PRDX1: variants seen among roughly 807,000 people sequenced by gnomAD.
PRDX1 encodes the protein peroxiredoxin 1, also known as peroxiredoxin-1.
PRDX1 carries 19 observed loss-of-function variants against 20.7 expected under a neutral mutation model. That is an observed-to-expected ratio of 0.92 (90% CI 0.64 to 1.35). The LOEUF (loss-of-function observed/expected upper bound fraction) is 1.35. Among genes scored for constraint, PRDX1 ranks in the 40% most tolerant of loss-of-function variants. PRDX1 has a pLI of 0.00. For synonymous variants in PRDX1, 89 were observed against 83.9 expected (o/e 1.06, Z -0.33); for missense variants, 226 against 240.0 (o/e 0.94, Z 0.38).
At chr1:45,521,215 A>C (rs890091762) in intron 1 of PRDX1, among the ~76,000 whole-genome samples, 1 of 152,126 alleles carries the variant, frequency 6.6e-6, no homozygotes, top group Non-Finnish European at 1.5e-5. Flanking sequence ...GGGCCCCTTC[A>C]GGGGATCTGC....
At chr1:45,522,199 T>G (rs1458745519), upstream of PRDX1, among the ~76,000 whole-genome samples, 3 of 152,194 alleles carry the variant, frequency 2.0e-5, no homozygotes, top group Admixed American at 1.3e-4. Flanking sequence ...CTACGCACTG[T>G]GCCCTCAATG....
chr1:45,513,993 C>T (rs1855621), intron 5 of PRDX1, among the ~76,000 whole-genome samples: 9,824 of 152,234 alleles, frequency 0.065, 1,028 homozygotes, highest in African/African-American at 0.22. Flanking sequence ...AAGAGGAAGG[C>T]ATCTGTCTCC....
rs549545823 is a variant in PRDX1 at position 45,511,167 on chromosome 1, A to C, written c.*162T>G. 1.2e-5 allele frequency: 7 copies of C among 605,252 alleles called. No homozygotes were observed. The highest frequency in any genetic ancestry group is 9.3e-4 in the Middle Eastern group (2 of 2,158). 37.5% of individuals were successfully genotyped at this position (605,252 alleles called of 1,614,324 possible). ...TCAGGCCATTCCTACCAAAGGAAGA[A>C]AGGCTGGTCTCTCCACCCCCTGTAG... On this transcript the variant is annotated 3_prime_UTR_variant, in exon 6 of 6. Transcript: ENST00000319248.
At chr1:45,522,473 A>C (rs575400550), upstream of PRDX1, among the ~76,000 whole-genome samples, 3 of 152,282 alleles carry the variant, frequency 2.0e-5, no homozygotes, top group Admixed American at 2.0e-4. Flanking sequence ...AGGCTGATTC[A>C]GTTACACGAC....
chr1:45,515,781 G>A lies in PRDX1; in HGVS notation c.133C>T (p.Pro45Ser), dbSNP rs755494211. The change falls in exon 3 of 6, where the codon CCT becomes TCT. Residue 45 changes from proline (P) to serine (S), a missense_variant. Physicochemically the swap from Pro to Ser is moderately conservative, Grantham distance 74. Coordinates refer to ENST00000319248, the MANE Select transcript of PRDX1 (RefSeq NM_181697.3). ...GGGCACACAAAGGTGAAGTCAAGAG[G>A]GTAAAAGAAGAACACAACATATTTT... ...KGKYVVFFFY[P>S]LDFTFVCPTE... 3.8e-6 allele frequency: 6 copies of A among 1,578,570 alleles called. No individual in the cohort carries two copies. Among genetic ancestry groups the A allele is most frequent in the Middle Eastern group, 1.7e-4 (1 of 5,988 alleles).
rs59260423 is a variant in PRDX1, at chr1:45,520,205, C to CAAAAAAAAA, written c.-11-1160_-11-1152dup. Among the ~76,000 whole-genome samples the CAAAAAAAAA allele has an allele frequency of 1.8e-3, 168 of 90,968 alleles. 2 individuals are homozygous for CAAAAAAAAA. The highest frequency in any genetic ancestry group is 7.4e-3 in the African/African-American group (161 of 21,890). The allele number at this position is 90,968 out of a possible 152,430, so 59.7% of individuals were successfully genotyped here. ...GGGCAACAGAGTGAGACTCTGTCTC[C>CAAAAAAAAA]AAAAAAAAAAAAAAAAAAAAGAGGC... On this transcript the variant is annotated intron_variant, in intron 1 of 5. Coordinates refer to ENST00000319248, the MANE Select transcript of PRDX1 (RefSeq NM_181697.3).
In PRDX1 at chr1:45,511,288, A is replaced by G. The variant is rs1643738196; in HGVS notation, c.*41T>C. ...AAAATACAGAAGAGGTTTTGTTCTC[A>G]TGGCTGCCCACCGCAGCCTGGCACT... On this transcript the variant is annotated 3_prime_UTR_variant, in exon 6 of 6. Coordinates refer to ENST00000319248, the MANE Select transcript of PRDX1 (RefSeq NM_181697.3). 2.7e-6 allele frequency: 4 copies of G among 1,476,098 alleles called. No individual in the cohort carries two copies. The highest frequency in any genetic ancestry group is 3.7e-6 in the Non-Finnish European group (4 of 1,081,314). The allele number at this position is 1,476,098 out of a possible 1,614,324, so 91.4% of individuals were successfully genotyped here.
intron 2 of PRDX1, among the ~76,000 whole-genome samples, chr1:45,516,159 T>C (rs1242654703): frequency 1.3e-5 from 2 of 152,268 alleles, no homozygotes; most frequent in Non-Finnish European, 2.9e-5. Flanking sequence ...CATGGCCTAA[T>C]GCCAATGCTT....
In PRDX1 at chr1:45,515,787, A is replaced by T; in HGVS notation, c.127T>A (p.Phe43Ile). 6.3e-7 allele frequency: 1 copy of T among 1,578,544 alleles called. No homozygotes were observed. The highest frequency in any genetic ancestry group is 8.6e-7 in the Non-Finnish European group (1 of 1,167,684). The change falls in exon 3 of 6, where the codon TTT becomes ATT. Residue 43 changes from phenylalanine (F) to isoleucine (I), a missense_variant. Coordinates refer to ENST00000319248, the MANE Select transcript of PRDX1 (RefSeq NM_181697.3). ...DYKGKYVVFFFYPLDFTFVCP... is the reference protein window; with the variant it reads ...DYKGKYVVFFIYPLDFTFVCP... Reference sequence around the variant, plus strand: ...ACAAAGGTGAAGTCAAGAGGGTAAAAGAAGAACACAACATATTTTCCTGGG... The same window carrying T: ...ACAAAGGTGAAGTCAAGAGGGTAAATGAAGAACACAACATATTTTCCTGGG...
At chr1:45,516,563 C>T (rs2149328436) in intron 2 of PRDX1, among the ~76,000 whole-genome samples, 1 of 152,286 alleles carries the variant, frequency 6.6e-6, no homozygotes, top group African/African-American at 2.4e-5. Flanking sequence ...GAACTTCTAG[C>T]TGCAATTTTA....
chr1:45,516,247 G>C (rs1488484520), intron 2 of PRDX1, among the ~76,000 whole-genome samples: 1 of 152,248 alleles, frequency 6.6e-6, no homozygotes, highest in Non-Finnish European at 1.5e-5. Context: ...CACAGCCTTT[G>C]CACTTCTCCC....
intron 5 of PRDX1, 140 bp from the exon 6 acceptor site, chr1:45,511,554 C>T (rs1643746613): frequency 1.8e-6 from 1 of 541,638 alleles, no homozygotes; most frequent in African/African-American, 1.9e-5. Context: ...ATCATTCACC[C>T]TTTTAGTATG....
upstream of PRDX1, among the ~76,000 whole-genome samples, chr1:45,522,567 A>T (rs1643923730): frequency 1.3e-5 from 2 of 152,160 alleles, no homozygotes; most frequent in African/African-American, 4.8e-5. Flanking sequence ...GGTAAGGCAA[A>T]AGGCCTCAGA....
chr1:45,522,436 T>TA (rs1258188427), upstream of PRDX1, among the ~76,000 whole-genome samples: 3 of 152,178 alleles, frequency 2.0e-5, no homozygotes, highest in Non-Finnish European at 2.9e-5. Context: ...CTCCTAAACT[T>TA]ACGCCAGAGG....
intron 2 of PRDX1, among the ~76,000 whole-genome samples, chr1:45,517,214 T>C (rs567246340): frequency 2.6e-5 from 4 of 152,160 alleles, no homozygotes; most frequent in Non-Finnish European, 2.9e-5. Context: ...TGGGCCCAGG[T>C]CACCTCCCTA....
chr1:45,519,701 T>TTCTCC (rs1643890692), intron 1 of PRDX1, among the ~76,000 whole-genome samples: 1 of 152,184 alleles, frequency 6.6e-6, no homozygotes, highest in Admixed American at 6.5e-5. Flanking sequence ...GTTCAAGGGA[T>TTCTCC]TCTCCTGCCT....
Position 45,517,466 on chromosome 1 carries a change from T to C in PRDX1, c.106+1472A>G, listed in dbSNP as rs578147045. Among the ~76,000 whole-genome samples, 113 of 152,236 alleles carry C rather than the reference T, an allele frequency of 7.4e-4. 1 individual carries two copies. The highest frequency in any genetic ancestry group is 2.6e-3 in the African/African-American group (107 of 41,544). On this transcript the variant is annotated intron_variant, in intron 2 of 5. Coordinates refer to ENST00000319248, the MANE Select transcript of PRDX1 (RefSeq NM_181697.3). Reference sequence around the variant, plus strand: ...AAGAAAGGAGGAGCCTCAACAGAACTTGCCAAGTGTCTGCATGAAACTATG... The same window carrying C: ...AAGAAAGGAGGAGCCTCAACAGAACCTGCCAAGTGTCTGCATGAAACTATG...
intron 1 of PRDX1, among the ~76,000 whole-genome samples, chr1:45,520,411 G>A (rs188075890): frequency 3.9e-5 from 6 of 152,084 alleles, no homozygotes; most frequent in Non-Finnish European, 7.4e-5. Flanking sequence ...GATTCACCCA[G>A]ATCAACACCA....
Position 45,514,874 on chromosome 1 carries a change from TGAACGA to T in PRDX1, c.376_381del (p.Ser126_Phe127del). 1.2e-6 allele frequency: 2 copies of T among 1,614,134 alleles called. No homozygotes were observed. Among genetic ancestry groups the T allele is most frequent in the Non-Finnish European group, 1.7e-6 (2 of 1,179,980 alleles). ...TGGATACTTGTCCTGATGACATACC[TGAACGA>T]GATGCCTTCATCAGCCTTTAAGACC... is the stretch of plus-strand genomic sequence containing the variant. On this transcript the variant is annotated inframe_deletion and splice_region_variant, in exon 4 of 6. Transcript: ENST00000319248.
Sources: allele counts gnomAD v4.1 joint callset (sites outside exome capture counted in the v4.1 genomes callset), GRCh38; gene constraint gnomAD v4.1.1; transcripts MANE v1.5; gene names NCBI Gene and HGNC (gene_info 2026-07-23, HGNC 2026-07-21).